TJP1: variants seen among roughly 807,000 people sequenced by gnomAD.
TJP1 encodes the protein tight junction protein 1.
TJP1 carries 43 observed loss-of-function variants against 194.2 expected under a neutral mutation model. The observed-to-expected ratio is 0.22, with a 90% confidence interval of 0.17 to 0.29. The LOEUF is 0.29. TJP1 is among the 10% of genes least tolerant of loss of function. TJP1 has a pLI of 1.00. For synonymous variants in TJP1, 801 were observed against 779.0 expected (o/e 1.03, Z -0.47); for missense variants, 1,971 against 2,185.7 (o/e 0.90, Z 1.96).
At chr15:29,796,805 A>G (rs2048442560) in intron 2 of TJP1, among the ~76,000 whole-genome samples, 1 of 152,214 alleles carries the variant, frequency 6.6e-6, no homozygotes, top group African/African-American at 2.4e-5. Flanking sequence ...TGCATAAGTA[A>G]CTGGTAAAAA....
chr15:29,791,248 A>T (rs2048061886), intron 2 of TJP1, among the ~76,000 whole-genome samples: 1 of 151,720 alleles, frequency 6.6e-6, no homozygotes, highest in South Asian at 2.1e-4. Context: ...GCTGATCTTG[A>T]ATTCCTGACC....
chr15:29,762,029 C>T (rs536347578), intron 6 of TJP1, among the ~76,000 whole-genome samples: 8 of 152,166 alleles, frequency 5.3e-5, no homozygotes, highest in African/African-American at 7.2e-5. Flanking sequence ...TATAAACAAA[C>T]GAATAAATAA....
intron 2 of TJP1, among the ~76,000 whole-genome samples, chr15:29,852,559 C>T (rs964363424): frequency 2.6e-5 from 4 of 152,100 alleles, no homozygotes; most frequent in African/African-American, 7.2e-5. Flanking sequence ...TCTTAAAATC[C>T]AAAACACGCA....
At chr15:29,876,310 A>C (rs1231113799) in intron 2 of TJP1, among the ~76,000 whole-genome samples, 1 of 152,166 alleles carries the variant, frequency 6.6e-6, no homozygotes, top group African/African-American at 2.4e-5. Context: ...ACCTGAGGTT[A>C]GGAGTTCGAA....
intron 2 of TJP1, among the ~76,000 whole-genome samples, chr15:29,784,038 T>C (rs2047541889): frequency 6.6e-6 from 1 of 151,656 alleles, no homozygotes. Context: ...TTACAAACAC[T>C]AAAGACAAGC....
rs539493463 is a variant in TJP1, at chr15:29,959,499, T to G, written c.174-3135A>C. Among the ~76,000 whole-genome samples the G allele has an allele frequency of 2.0e-5, 3 of 152,216 alleles. No individual in the cohort carries two copies. The South Asian group carries it at 6.2e-4, about 32-fold the overall frequency. Reference sequence around the variant, plus strand: ...TACATTTGTATTGGAAAACATCCATTTCCCCACTGCGACTACTGTGGCCTG... The same window carrying G: ...TACATTTGTATTGGAAAACATCCATGTCCCCACTGCGACTACTGTGGCCTG... On this transcript the variant is annotated intron_variant, in intron 1 of 28. Coordinates refer to the TJP1 transcript ENST00000356107.
chr15:29,766,325 G>A lies in TJP1; in HGVS notation c.530C>T (p.Ala177Val), dbSNP rs2046328121. ...AGTAGGTTTAGCAGGCTGGCTGGAA[G>A]CCACTGACCGCCTGTCTGACCGCGG... ...LSPRSDRRSV[A>V]SSQPAKPTKV... Residue 177 changes from alanine (A) to valine (V), a missense_variant, in exon 5 of 28, where the codon GCT becomes GTT. Physicochemically the swap from Ala to Val is moderately conservative, Grantham distance 64. Coordinates refer to ENST00000614355, the MANE Select transcript of TJP1 (RefSeq NM_001330239.4). 1.2e-6 allele frequency: 2 copies of A among 1,614,096 alleles called. No homozygotes were observed. Among genetic ancestry groups the A allele is most frequent in the South Asian group, 1.1e-5 (1 of 91,086 alleles).
At chr15:29,850,896 G>A (rs1596105632) in intron 2 of TJP1, among the ~76,000 whole-genome samples, 1 of 152,086 alleles carries the variant, frequency 6.6e-6, no homozygotes, top group African/African-American at 2.4e-5. Flanking sequence ...CTAGCACTTT[G>A]GGAGGCCGAG....
At chr15:29,831,322 T>A (rs2152045499) in intron 2 of TJP1, among the ~76,000 whole-genome samples, 1 of 152,326 alleles carries the variant, frequency 6.6e-6, no homozygotes, top group South Asian at 2.1e-4. Flanking sequence ...AAGGATCAAA[T>A]GATCAATCTT....
chr15:29,763,970 A>G (rs1375699220), intron 5 of TJP1, among the ~76,000 whole-genome samples: 1 of 152,176 alleles, frequency 6.6e-6, no homozygotes, highest in Non-Finnish European at 1.5e-5. Context: ...AAGATTAAAC[A>G]CTTATAAATG....
At chr15:29,726,758 A>C in intron 17 of TJP1, 23 bp downstream of exon 17, 2 of 1,605,142 alleles carry the variant, frequency 1.2e-6, no homozygotes, top group East Asian at 4.5e-5. Flanking sequence ...AAGCTGAAAG[A>C]AGGCCTTTAT....
intron 2 of TJP1, among the ~76,000 whole-genome samples, chr15:29,902,965 C>A (rs373080998): frequency 7.2e-4 from 109 of 152,082 alleles, no homozygotes; most frequent in Non-Finnish European, 1.3e-3. Flanking sequence ...ACCTGGAAGG[C>A]GGAAATTGTC....
rs770346430 is a variant in TJP1, at chr15:29,733,143, C to A, written c.1687G>T (p.Gly563Cys). ...CGTTCTACCTCCTTATGATTTTTACCAATTCGAATAGCAAGCCAAGAGCCC... is the reference window on the plus strand; with the variant it reads ...CGTTCTACCTCCTTATGATTTTTACAAATTCGAATAGCAAGCCAAGAGCCC... ...KLGSWLAIRI[G>C]KNHKEVERGI... The change falls in exon 13 of 28, where the codon GGT (glycine) becomes TGT (cysteine). Residue 563 changes from glycine (G) to cysteine (C), a missense_variant. Physicochemically the swap from Gly to Cys is radical, Grantham distance 159. Coordinates refer to ENST00000614355, the MANE Select transcript of TJP1 (RefSeq NM_001330239.4). 1.7e-5 allele frequency: 27 copies of A among 1,613,946 alleles called. No individual in the cohort carries two copies. Among genetic ancestry groups the A allele is most frequent in the Non-Finnish European group, 2.2e-5 (26 of 1,179,996 alleles).
rs796594165 is a variant in TJP1 at position 29,748,951 on chromosome 15, T to C, written c.1011-6170A>G. Among the ~76,000 whole-genome samples, 618 of 36,230 alleles carry C rather than the reference T, an allele frequency of 0.017. 15 individuals carry two copies. In the East Asian group the frequency reaches 0.29, roughly 17 times the overall value. The allele number at this position is 36,230 out of a possible 152,430, so 23.8% of individuals were successfully genotyped here. A position where few individuals can be genotyped will look rare whatever the true frequency, so the allele number is the denominator to read the frequency against. ...GTGTGTGTGTGTGTGTGTGTGTGTG[T>C]GTGCGCGTGTGTGCGCGCGCGCGTT... On this transcript the variant is annotated intron_variant, in intron 8 of 27. Coordinates refer to ENST00000614355, the MANE Select transcript of TJP1 (RefSeq NM_001330239.4).
intron 1 of TJP1, among the ~76,000 whole-genome samples, chr15:29,805,356 T>C (rs561313408): frequency 1.8e-4 from 28 of 152,220 alleles, no homozygotes; most frequent in African/African-American, 3.9e-4. Context: ...TGGGGAAAGA[T>C]AGGAGGGCAC....
intron 2 of TJP1, among the ~76,000 whole-genome samples, chr15:29,777,483 AAAAT>A (rs953031612): frequency 4.6e-5 from 7 of 152,222 alleles, no homozygotes; most frequent in African/African-American, 1.4e-4. Context: ...TGAAGGGAGA[AAAAT>A]AAATAAATAA....
chr15:29,823,497 C>T (rs2050552954), upstream of TJP1: 1 of 152,136 alleles, frequency 6.6e-6, no homozygotes, highest in African/African-American at 2.4e-5. Flanking sequence ...ACAACCGGCA[C>T]AGAAGAAATG....
intron 5 of TJP1, 98 bp downstream of exon 5, chr15:29,766,168 A>T: frequency 6.8e-7 from 1 of 1,473,382 alleles, no homozygotes; most frequent in Non-Finnish European, 9.1e-7. Context: ...ACACAAAGAC[A>T]ACAAAGCAAA....
At chr15:29,764,142 G>A (rs1029692327) in intron 5 of TJP1, among the ~76,000 whole-genome samples, 4 of 152,052 alleles carry the variant, frequency 2.6e-5, no homozygotes, top group African/African-American at 4.8e-5. Context: ...TGAAAAAAAG[G>A]ATGTTAGCAT....
Sources: gnomAD v4.1 joint callset for allele counts (sites outside exome capture counted in the v4.1 genomes callset) on GRCh38, gnomAD v4.1.1 for gene constraint, MANE v1.5 for transcripts, NCBI Gene and HGNC (gene_info 2026-07-23, HGNC 2026-07-21) for gene names.